The following SEMA3A variants were observed in gnomAD, a reference collection of about 807,000 sequenced individuals.
The protein encoded by SEMA3A is semaphorin-3A.
A neutral mutation model predicts 97.9 loss-of-function variants in SEMA3A; 29 were observed. The observed-to-expected ratio is 0.30, with a 90% confidence interval of 0.22 to 0.40. The LOEUF (loss-of-function observed/expected upper bound fraction) is 0.40, where lower values mean the gene tolerates loss of function less well. Ranked by LOEUF, SEMA3A falls within the 10% of genes least tolerant of loss-of-function variation. The pLI, the probability that SEMA3A is intolerant of heterozygous loss-of-function variation, is 1.00. For missense variants in SEMA3A, 763 were observed against 951.3 expected, an observed-to-expected ratio of 0.80 and a Z score of 2.60; for synonymous variants, 321 against 323.7, an observed-to-expected ratio of 0.99 and a Z score of 0.09.
chr7:84,417,554 A>C (rs1009589137), intron 1 of SEMA3A, among the ~76,000 whole-genome samples: 3 of 152,120 alleles, frequency 2.0e-5, no homozygotes, highest in Non-Finnish European at 2.9e-5. Flanking sequence ...TTAAAGTTTT[A>C]AATTTTTTAG....
At chr7:84,190,049 T>G (rs2116263860) in intron 1 of SEMA3A, among the ~76,000 whole-genome samples, 1 of 151,900 alleles carries the variant, frequency 6.6e-6, no homozygotes, top group South Asian at 2.1e-4. Flanking sequence ...CATATTTATT[T>G]AAGTTGTTAG....
At position 84,068,363 on chromosome 7, in the gene SEMA3A, T is replaced by C. The variant is rs545027558; in HGVS notation, c.454-7805A>G. 9.0e-3 allele frequency among the ~76,000 whole-genome samples: 1,333 copies of C among 147,474 alleles called. 9 individuals carry two copies. The highest frequency in any genetic ancestry group is 0.014 in the Non-Finnish European group (909 of 67,274). On this transcript the variant is annotated intron_variant, in intron 4 of 16. Transcript: ENST00000265362. ...GGGTGCAGCACACCAGCATGGCACA[T>C]GTATACATATGTAACTAACCTGCAC... is the stretch of plus-strand genomic sequence containing the variant.
intron 4 of SEMA3A, among the ~76,000 whole-genome samples, chr7:84,087,332 A>G (rs1794412873): frequency 6.6e-6 from 1 of 152,280 alleles, no homozygotes; most frequent in Admixed American, 6.5e-5. Flanking sequence ...CCTGTTTAGA[A>G]TGTTACAGGA....
At chr7:84,329,127 A>G (rs890116392) in intron 2 of SEMA3A, among the ~76,000 whole-genome samples, 1 of 151,998 alleles carries the variant, frequency 6.6e-6, no homozygotes, top group African/African-American at 2.4e-5. Context: ...ACCCGATTGC[A>G]TCAAGCAAAC....
At chr7:83,987,888 C>T (rs1185217017) in intron 12 of SEMA3A, among the ~76,000 whole-genome samples, 1 of 152,176 alleles carries the variant, frequency 6.6e-6, no homozygotes, top group Non-Finnish European at 1.5e-5. Flanking sequence ...CAATGCCTTC[C>T]CTGCTCAATC....
intron 6 of SEMA3A, among the ~76,000 whole-genome samples, chr7:84,017,041 T>TA (rs1207735036): frequency 6.6e-6 from 1 of 152,186 alleles, no homozygotes; most frequent in Non-Finnish European, 1.5e-5. Context: ...AGATCACAAA[T>TA]ATGTGCAAGA....
intron 1 of SEMA3A, among the ~76,000 whole-genome samples, chr7:84,416,465 G>A (rs1017965131): frequency 2.6e-5 from 4 of 152,064 alleles, no homozygotes; most frequent in Admixed American, 6.6e-5. Context: ...GTATATACAT[G>A]TAATGTCAAC....
intron 6 of SEMA3A, among the ~76,000 whole-genome samples, chr7:84,034,979 G>T (rs1194083957): frequency 1.3e-5 from 2 of 151,742 alleles, no homozygotes; most frequent in East Asian, 3.9e-4. Flanking sequence ...TTTAAGTTAG[G>T]TTTACTTTCT....
intron 1 of SEMA3A, among the ~76,000 whole-genome samples, chr7:84,442,562 GA>G (rs1285344205): frequency 6.6e-6 from 1 of 152,004 alleles, no homozygotes; most frequent in Admixed American, 6.5e-5. Context: ...TGAGAACAAA[GA>G]AAGGTATGTC....
intron 3 of SEMA3A, among the ~76,000 whole-genome samples, chr7:84,223,803 T>A (rs935453935): frequency 1.3e-5 from 2 of 151,824 alleles, no homozygotes; most frequent in African/African-American, 4.8e-5. Flanking sequence ...TATCATAGTT[T>A]AGAAATAAAA....
intron 3 of SEMA3A, among the ~76,000 whole-genome samples, chr7:84,306,858 A>C (rs977653718): frequency 6.6e-6 from 1 of 152,086 alleles, no homozygotes; most frequent in Non-Finnish European, 1.5e-5. Context: ...ATTTTTGTGG[A>C]TAGCAATATG....
Position 84,288,806 on chromosome 7 carries a change from A to G in SEMA3A, c.-83+18401T>C, listed in dbSNP as rs983579476. Among the ~76,000 whole-genome samples the G allele has an allele frequency of 6.6e-5, 10 of 152,250 alleles. No homozygotes were observed. The East Asian group carries it at 1.7e-3, about 26-fold the overall frequency. ...ATGTGAATTATTACAGCCATTTTAG[A>G]AAAGAGTATGAGGTTCCACAAAAAA... On this transcript the variant is annotated intron_variant, in intron 3 of 3. Coordinates refer to the SEMA3A transcript ENST00000424555.
intron 2 of SEMA3A, among the ~76,000 whole-genome samples, chr7:84,312,986 A>G (rs1317852803): frequency 7.1e-6 from 1 of 141,118 alleles, no homozygotes; most frequent in East Asian, 2.1e-4. Flanking sequence ...TATACATTAT[A>G]CATGTGTATA....
At chr7:84,295,715 C>A (rs1289716269) in intron 3 of SEMA3A, among the ~76,000 whole-genome samples, 1 of 151,616 alleles carries the variant, frequency 6.6e-6, no homozygotes, top group Non-Finnish European at 1.5e-5. Flanking sequence ...AATATTCAAG[C>A]CAAAGTTTAA....
chr7:84,303,714 C>A (rs1308180608), intron 3 of SEMA3A, among the ~76,000 whole-genome samples: 3 of 151,960 alleles, frequency 2.0e-5, no homozygotes, highest in African/African-American at 7.2e-5. Context: ...ATTTTCAGTA[C>A]AATATTCAAT....
intron 1 of SEMA3A, among the ~76,000 whole-genome samples, chr7:84,403,218 G>A (rs113977888): frequency 0.096 from 14,633 of 152,140 alleles, 1,250 homozygotes; most frequent in African/African-American, 0.21. Context: ...CTTTTCCAAC[G>A]GGCTTAACAA....
intron 2 of SEMA3A, among the ~76,000 whole-genome samples, chr7:84,362,876 C>G (rs1407905712): frequency 1.3e-5 from 2 of 151,930 alleles, no homozygotes; most frequent in East Asian, 1.9e-4. Context: ...TGAGTAGACT[C>G]TATCTAGAGC....
chr7:84,058,993 G>A (rs1171665096), intron 5 of SEMA3A, among the ~76,000 whole-genome samples: 1 of 152,060 alleles, frequency 6.6e-6, no homozygotes, highest in Admixed American at 6.5e-5. Flanking sequence ...TCCCTACTGA[G>A]AAACATACCA....
chr7:84,084,949 C>A (rs1794284596), intron 4 of SEMA3A, among the ~76,000 whole-genome samples: 1 of 151,484 alleles, frequency 6.6e-6, no homozygotes, highest in African/African-American at 2.4e-5. Context: ...GAAAACTTAG[C>A]TTTACAGTTG....
Sources: allele counts gnomAD v4.1 joint callset (sites outside exome capture counted in the v4.1 genomes callset), GRCh38; gene constraint gnomAD v4.1.1; transcripts MANE v1.5; gene names NCBI Gene and HGNC (gene_info 2026-07-23, HGNC 2026-07-21).